Variants in TMEM131 observed in about 807,000 individuals in gnomAD.
TMEM131 encodes transmembrane protein 131.
Under a neutral mutation model 211.6 loss-of-function variants are expected in TMEM131, and 66 were observed. The ratio of observed to expected loss-of-function variants is 0.31; its 90% CI spans 0.26 to 0.38. TMEM131 has a LOEUF of 0.38. Among genes scored for constraint, TMEM131 ranks in the 10% least tolerant of loss-of-function variants. The pLI is 1.00. For synonymous variants in TMEM131, 844 were observed against 841.3 expected, an observed-to-expected ratio of 1.00 and a Z score of -0.06; for missense variants, 2,036 against 2,299.3, an observed-to-expected ratio of 0.89 and a Z score of 2.34.
chr2:97,901,402 G>A (rs2104336391), intron 3 of TMEM131, among the ~76,000 whole-genome samples: 1 of 151,928 alleles, frequency 6.6e-6, no homozygotes, highest in South Asian at 2.1e-4. Context: ...TATGGTGAGA[G>A]ATAAGAGTTG....
chr2:97,862,486 C>T (rs1418179826), intron 4 of TMEM131, among the ~76,000 whole-genome samples: 2 of 151,788 alleles, frequency 1.3e-5, no homozygotes, highest in Non-Finnish European at 2.9e-5. Context: ...TTCAAGATAA[C>T]ATAGAGAAGG....
At chr2:97,839,869 A>C (rs1405533980) in intron 7 of TMEM131, among the ~76,000 whole-genome samples, 1 of 152,242 alleles carries the variant, frequency 6.6e-6, no homozygotes, top group African/African-American at 2.4e-5. Flanking sequence ...ATCATCACAG[A>C]AAGTTCTGCT....
chr2:97,912,805 A>G (rs1676340070), intron 2 of TMEM131, among the ~76,000 whole-genome samples: 1 of 152,040 alleles, frequency 6.6e-6, no homozygotes, highest in Non-Finnish European at 1.5e-5. Flanking sequence ...ATTCCAAATA[A>G]TCTGAGCACA....
At chr2:97,941,935 G>A (rs938017169) in intron 1 of TMEM131, among the ~76,000 whole-genome samples, 2 of 152,140 alleles carry the variant, frequency 1.3e-5, no homozygotes, top group Admixed American at 6.5e-5. Context: ...CAAGGATCCA[G>A]AACTAGAAAT....
Position 97,995,494 on chromosome 2 carries a change from C to T in TMEM131, c.169G>A (p.Ala57Thr). The change falls in exon 1 of 41, where the codon GCG becomes ACG. Residue 57 changes from alanine (A) to threonine (T), a missense_variant. This residue lies in a region of TMEM131 where 136 missense variants were observed against 115.4 expected (regional missense o/e 1.18). Coordinates refer to ENST00000186436, the MANE Select transcript of TMEM131 (RefSeq NM_015348.2). ...CACCCACCTTCCTTCTCGGCCCGCG[C>T]CGCAGCCACTACGAGGGTCATCACC... is the stretch of plus-strand genomic sequence containing the variant. ...HLVMTLVVAA[A>T]RAEKEAFVQS... 7.1e-7 allele frequency: 1 copy of T among 1,410,128 alleles called. No homozygotes were observed. The highest frequency in any genetic ancestry group is 9.3e-7 in the Non-Finnish European group (1 of 1,076,606). 87.4% of individuals were successfully genotyped at this position (1,410,128 alleles called of 1,614,324 possible).
intron 5 of TMEM131, among the ~76,000 whole-genome samples, chr2:97,849,719 T>C (rs922046873): frequency 5.8e-3 from 119 of 20,590 alleles, no homozygotes; most frequent in African/African-American, 0.016. Context: ...CTCTCTCTCT[T>C]TTTTTTTTTT....
chr2:97,775,798 C>G, intron 32 of TMEM131, 45 bp downstream of exon 32: 2 of 1,571,866 alleles, frequency 1.3e-6, no homozygotes, highest in Non-Finnish European at 1.7e-6. Context: ...CTGCAGGAGA[C>G]CTCTCTTTCT....
intron 1 of TMEM131, among the ~76,000 whole-genome samples, chr2:97,980,491 T>C (rs916539409): frequency 2.0e-5 from 3 of 152,172 alleles, no homozygotes; most frequent in African/African-American, 7.2e-5. Context: ...TATAAAATGG[T>C]ACAGCCGCTT....
At chr2:97,948,734 T>C (rs959422215) in intron 1 of TMEM131, among the ~76,000 whole-genome samples, 2 of 151,580 alleles carry the variant, frequency 1.3e-5, no homozygotes, top group East Asian at 1.9e-4. Flanking sequence ...CTCGGCTCAC[T>C]GCAAGCTCCG....
rs190490873 is a variant in TMEM131, at chr2:97,944,600, G to C, written c.188-17113C>G. Reference sequence around the variant, plus strand: ...GAGATACATACAGAGAATATAAAAAGAACTCTTGCAATGAATAAAAGACAA... The same window carrying C: ...GAGATACATACAGAGAATATAAAAACAACTCTTGCAATGAATAAAAGACAA... On this transcript the variant is annotated intron_variant, in intron 1 of 40. Coordinates refer to ENST00000186436, the MANE Select transcript of TMEM131 (RefSeq NM_015348.2). 1.2e-3 allele frequency among the ~76,000 whole-genome samples: 181 copies of C among 152,190 alleles called. 1 individual carries two copies. The highest frequency in any genetic ancestry group is 4.2e-3 in the African/African-American group (173 of 41,546).
At chr2:97,902,785 TCTAATCAG>T (rs1422310879) in intron 3 of TMEM131, among the ~76,000 whole-genome samples, 2 of 152,140 alleles carry the variant, frequency 1.3e-5, no homozygotes, top group African/African-American at 4.8e-5. Context: ...GTGGGCACAA[TCTAATCAG>T]CTTCCAGCAA....
At position 97,793,454 on chromosome 2, in the gene TMEM131, G is replaced by C; in HGVS notation, c.3486C>G (p.Pro1162=). Residue 1162 remains proline, a synonymous_variant, in exon 30 of 41, where the codon CCC becomes CCG. Transcript: ENST00000186436. The part of the protein sequence containing the change: ...RRLSFEASNP[P]FDVGRPFDLR... ...GATCAAATGGCCTTCCCACATCGAA[G>C]GGCGGGTTCGAGGCCTCAAAGGATA... is the stretch of plus-strand genomic sequence containing the variant. 2 of 1,613,960 alleles carry C rather than the reference G, an allele frequency of 1.2e-6. No individual in the cohort carries two copies. The highest frequency in any genetic ancestry group is 8.5e-7 in the Non-Finnish European group (1 of 1,179,886).
At chr2:97,839,666 C>T (rs912777976) in intron 7 of TMEM131, among the ~76,000 whole-genome samples, 14 of 152,330 alleles carry the variant, frequency 9.2e-5, no homozygotes, top group African/African-American at 3.4e-4. Context: ...TACAAGGTGG[C>T]AAAAGTGGTG....
At chr2:97,857,207 T>C (rs1324889057) in intron 5 of TMEM131, among the ~76,000 whole-genome samples, 1 of 152,196 alleles carries the variant, frequency 6.6e-6, no homozygotes, top group African/African-American at 2.4e-5. Flanking sequence ...TTCTTATTTC[T>C]GACTCTTCTT....
intron 1 of TMEM131, among the ~76,000 whole-genome samples, chr2:97,980,060 G>T (rs907275265): frequency 2.6e-5 from 4 of 152,210 alleles, no homozygotes; most frequent in African/African-American, 9.6e-5. Flanking sequence ...GGAACAGCCA[G>T]TTGGAGCAGT....
intron 10 of TMEM131, among the ~76,000 whole-genome samples, chr2:97,834,200 T>C (rs1203413740): frequency 6.6e-6 from 1 of 152,232 alleles, no homozygotes; most frequent in Non-Finnish European, 1.5e-5. Context: ...GTTTTTAATT[T>C]CAGAATTTGA....
At chr2:97,842,784 G>C (rs1573447210) in intron 6 of TMEM131, among the ~76,000 whole-genome samples, 1 of 152,186 alleles carries the variant, frequency 6.6e-6, no homozygotes, top group Non-Finnish European at 1.5e-5. Context: ...CCATCACCTA[G>C]GTCTGTTGTG....
At chr2:97,993,195 T>C (rs1680338255) in intron 1 of TMEM131, among the ~76,000 whole-genome samples, 1 of 152,222 alleles carries the variant, frequency 6.6e-6, no homozygotes, top group Non-Finnish European at 1.5e-5. Flanking sequence ...TGCAGAATCA[T>C]CATTAAAACT....
At chr2:97,839,098 G>A (rs116679013) in intron 7 of TMEM131, among the ~76,000 whole-genome samples, 1,856 of 152,266 alleles carry the variant, frequency 0.012, 41 homozygotes, top group African/African-American at 0.041. Flanking sequence ...CCAAGGTAGC[G>A]GGGATCACTT....
Sources: gnomAD v4.1 joint callset for allele counts (sites outside exome capture counted in the v4.1 genomes callset) on GRCh38, gnomAD v4.1.1 for gene constraint, gnomAD v4.1.1 regional missense constraint, MANE v1.5 for transcripts, NCBI Gene and HGNC (gene_info 2026-07-23, HGNC 2026-07-21) for gene names.